Variants in COL26A1 observed in about 807,000 individuals in gnomAD.
COL26A1 encodes the protein collagen alpha-1(XXVI) chain.
In COL26A1, 41 loss-of-function variants were observed where a neutral mutation model predicts 59.3. The ratio of observed to expected loss-of-function variants is 0.69; its 90% CI spans 0.54 to 0.90. The LOEUF (loss-of-function observed/expected upper bound fraction) is 0.90. COL26A1 is among the 40% of genes least tolerant of loss of function. The probability of loss-of-function intolerance (pLI) is 0.00; values close to 1 mark genes in which losing one functional copy is unlikely to be tolerated. For synonymous variants in COL26A1, 266 were observed against 256.0 expected, an observed-to-expected ratio of 1.04 and a Z score of -0.37; for missense variants, 612 against 602.3, an observed-to-expected ratio of 1.02 and a Z score of -0.17.
At chr7:101,450,163 G>A (rs1793296352) in intron 3 of COL26A1, among the ~76,000 whole-genome samples, 1 of 151,946 alleles carries the variant, frequency 6.6e-6, no homozygotes, top group East Asian at 1.9e-4. Flanking sequence ...ATGAGCTAGG[G>A]AAGAGACACA....
intron 3 of COL26A1, among the ~76,000 whole-genome samples, chr7:101,514,470 G>A (rs1048959508): frequency 1.3e-5 from 2 of 152,244 alleles, no homozygotes; most frequent in Admixed American, 6.5e-5. Flanking sequence ...TCTGGAGGAG[G>A]AGGGGTGTTG....
chr7:101,362,443 C>G (rs549288731), upstream of COL26A1, among the ~76,000 whole-genome samples: 2 of 152,276 alleles, frequency 1.3e-5, no homozygotes, highest in South Asian at 2.1e-4. Flanking sequence ...CAGTTTCTCA[C>G]GGGAACGCAG....
chr7:101,441,003 A>G (rs894483584), intron 2 of COL26A1, among the ~76,000 whole-genome samples: 1 of 151,784 alleles, frequency 6.6e-6, no homozygotes, highest in Non-Finnish European at 1.5e-5. Context: ...AAGAAAGAAA[A>G]AGAAAAAAGA....
At chr7:101,364,633 G>A (rs1398093508) in intron 1 of COL26A1, among the ~76,000 whole-genome samples, 1 of 150,666 alleles carries the variant, frequency 6.6e-6, no homozygotes, top group Admixed American at 6.6e-5. Flanking sequence ...GCAGTGGTGC[G>A]ATCATAGCTC....
rs1281708096 is a variant in COL26A1 at position 101,547,110 on chromosome 7, C to G, written c.857-46C>G. The G allele has an allele frequency of 2.2e-6, 3 of 1,392,548 alleles. No individual in the cohort carries two copies. The African/African-American group carries it at 4.3e-5, about 20-fold the overall frequency. 86.3% of individuals were successfully genotyped at this position (1,392,548 alleles called of 1,614,324 possible). The stretch of plus-strand genomic sequence containing the variant: ...GCCCCGGACCAGCCTCCCAGCACTG[C>G]CAGGTCTGCCCCACCAGACCCCTGG... On this transcript the variant is annotated intron_variant, in intron 7 of 12. Transcript: ENST00000313669.
At chr7:101,492,237 A>G (rs1469481646) in intron 3 of COL26A1, among the ~76,000 whole-genome samples, 1 of 152,156 alleles carries the variant, frequency 6.6e-6, no homozygotes, top group East Asian at 1.9e-4. Flanking sequence ...TCCCTTAAGA[A>G]AAAGCAATAG....
intron 3 of COL26A1, among the ~76,000 whole-genome samples, chr7:101,484,513 G>A (rs1323286042): frequency 6.6e-6 from 1 of 151,826 alleles, no homozygotes; most frequent in Non-Finnish European, 1.5e-5. Flanking sequence ...TGGGATTACA[G>A]GTGCCCACCA....
Position 101,419,884 on chromosome 7 carries a change from C to T in COL26A1, c.159-93C>T, listed in dbSNP as rs1044014645. 45 of 1,425,062 alleles carry T rather than the reference C, an allele frequency of 3.2e-5. No homozygotes were observed. The East Asian group carries it at 3.9e-4, about 13-fold the overall frequency. The allele number at this position is 1,425,062 out of a possible 1,614,324, so 88.3% of individuals were successfully genotyped here. ...AGAGCGAGCCTCCACCCCAGGTTTG[C>T]GGGGGCCCCTCCCTGTCCAGCACGG... On this transcript the variant is annotated intron_variant, in intron 1 of 12. Coordinates refer to ENST00000313669, the MANE Select transcript of COL26A1 (RefSeq NM_001278563.3).
At chr7:101,421,912 A>G (rs905497626) in intron 2 of COL26A1, among the ~76,000 whole-genome samples, 4 of 152,114 alleles carry the variant, frequency 2.6e-5, no homozygotes, top group Non-Finnish European at 5.9e-5. Context: ...AATAGTAGAG[A>G]TGCTTCACTT....
At chr7:101,499,376 T>C (rs1403748600) in intron 3 of COL26A1, among the ~76,000 whole-genome samples, 1 of 152,008 alleles carries the variant, frequency 6.6e-6, no homozygotes, top group Non-Finnish European at 1.5e-5. Flanking sequence ...ATCCTGTCTC[T>C]ACAAAATATA....
rs1165219674 is a variant in COL26A1, at chr7:101,558,574, G to T, written c.*1044G>T. The T allele has an allele frequency of 6.6e-6, 1 of 152,340 alleles. No homozygotes were observed. Among genetic ancestry groups the T allele is most frequent in the African/African-American group, 2.4e-5 (1 of 41,454 alleles). The allele number at this position is 152,340 out of a possible 1,614,324, so 9.4% of individuals were successfully genotyped here. A position where few individuals can be genotyped will look rare whatever the true frequency, so the allele number is the denominator to read the frequency against. On this transcript the variant is annotated 3_prime_UTR_variant, in exon 13 of 13. Transcript: ENST00000313669. ...GAGAGGGAAACAGAGTCCCAGGCCT[G>T]CTGGGAAGAGATGCTCCTGCCTCCC...
At chr7:101,535,411 G>A (rs996919407) in intron 4 of COL26A1, among the ~76,000 whole-genome samples, 15 of 152,206 alleles carry the variant, frequency 9.9e-5, no homozygotes, top group Non-Finnish European at 1.9e-4. Flanking sequence ...CCTGGCCTCA[G>A]CCCAGTATTG....
At chr7:101,435,919 C>T (rs1372055244) in intron 2 of COL26A1, among the ~76,000 whole-genome samples, 1 of 152,216 alleles carries the variant, frequency 6.6e-6, no homozygotes, top group Non-Finnish European at 1.5e-5. Context: ...AGCCTCCCCC[C>T]TCTGGTTGGG....
At chr7:101,383,225 G>C (rs73179259) in intron 1 of COL26A1, among the ~76,000 whole-genome samples, 8,087 of 152,196 alleles carry the variant, frequency 0.053, 259 homozygotes, top group East Asian at 0.087. Flanking sequence ...AGGTAGGAAA[G>C]CTGTTCATTT....
intron 1 of COL26A1, among the ~76,000 whole-genome samples, chr7:101,374,803 C>G (rs6465804): frequency 6.6e-6 from 1 of 151,968 alleles, no homozygotes; most frequent in East Asian, 1.9e-4. Flanking sequence ...CGCCTGTAAT[C>G]CCAACACTTT....
chr7:101,507,833 T>C (rs1047386793), intron 3 of COL26A1, among the ~76,000 whole-genome samples: 3 of 152,016 alleles, frequency 2.0e-5, no homozygotes, highest in Admixed American at 2.0e-4. Flanking sequence ...TTGAGACCCT[T>C]CTGGACTTTC....
At chr7:101,501,303 A>G (rs938944656) in intron 3 of COL26A1, among the ~76,000 whole-genome samples, 1 of 151,294 alleles carries the variant, frequency 6.6e-6, no homozygotes, top group African/African-American at 2.4e-5. Flanking sequence ...GGGGGCCACG[A>G]GAGTCATTAG....
At chr7:101,364,040 T>C (rs1040408025) in intron 1 of COL26A1, among the ~76,000 whole-genome samples, 2 of 151,342 alleles carry the variant, frequency 1.3e-5, no homozygotes, top group Admixed American at 6.6e-5. Flanking sequence ...CGTGGCGGGG[T>C]TGGAGAGGGC....
chr7:101,424,043 A>G (rs925238929), intron 2 of COL26A1, among the ~76,000 whole-genome samples: 1 of 151,604 alleles, frequency 6.6e-6, no homozygotes, highest in African/African-American at 2.4e-5. Flanking sequence ...CCCCATTTTT[A>G]CAAATTTTTT....
Sources: gnomAD v4.1 joint callset for allele counts (sites outside exome capture counted in the v4.1 genomes callset) on GRCh38, gnomAD v4.1.1 for gene constraint, MANE v1.5 for transcripts, NCBI Gene and HGNC (gene_info 2026-07-23, HGNC 2026-07-21) for gene names.